The following ZFP1 variants were observed in gnomAD, a reference collection of about 807,000 sequenced individuals.
The protein encoded by ZFP1 is zinc finger protein 1 homolog.
Under a neutral mutation model 38.5 loss-of-function variants are expected in ZFP1, and 32 were observed. That is an observed-to-expected ratio of 0.83 (90% confidence interval 0.63 to 1.12). The LOEUF is 1.12. Ranked by LOEUF, ZFP1 falls within the 50% of genes most tolerant of loss-of-function variation. ZFP1 has a pLI of 0.00. For missense variants in ZFP1, 616 were observed against 480.8 expected (o/e 1.28, Z -2.63); for synonymous variants, 245 against 168.8 (o/e 1.45, Z -3.50).
intron 2 of ZFP1, among the ~76,000 whole-genome samples, chr16:75,160,201 G>A (rs1299353801): frequency 1.3e-5 from 2 of 152,136 alleles, no homozygotes; most frequent in Non-Finnish European, 2.9e-5. Context: ...TGCTGCCATG[G>A]CAGAATACTT....
the ZFP1 span, among the ~76,000 whole-genome samples, chr16:75,121,169 G>GTT: frequency 2.1e-5 from 3 of 140,124 alleles, no homozygotes; most frequent in Non-Finnish European, 4.7e-5. Flanking sequence ...TTTCTTTTTT[G>GTT]TTTTTTTTTT....
chr16:75,132,804 T>G, the ZFP1 span, among the ~76,000 whole-genome samples: 3 of 150,764 alleles, frequency 2.0e-5, no homozygotes, highest in South Asian at 6.3e-4. Context: ...TTACAGGCAT[T>G]CACCACCACA....
intron 2 of ZFP1, among the ~76,000 whole-genome samples, chr16:75,160,623 C>A (rs2037720091): frequency 6.9e-6 from 1 of 145,426 alleles, no homozygotes; most frequent in African/African-American, 2.6e-5. Context: ...CATGCCACTG[C>A]ACTCCAATCT....
At chr16:75,165,927 TTTAGA>T (rs1378062672) in intron 2 of ZFP1, among the ~76,000 whole-genome samples, 1 of 152,184 alleles carries the variant, frequency 6.6e-6, no homozygotes, top group African/African-American at 2.4e-5. Context: ...TGCATTTCAG[TTTAGA>T]TATTTACTGA....
the ZFP1 span, among the ~76,000 whole-genome samples, chr16:75,123,125 G>A: frequency 7.2e-5 from 11 of 151,900 alleles, no homozygotes; most frequent in Admixed American, 3.3e-4. Flanking sequence ...AGGACAAGGC[G>A]AGTGGATCAC....
chr16:75,159,488 G>C (rs2037656339), intron 2 of ZFP1, among the ~76,000 whole-genome samples: 1 of 145,212 alleles, frequency 6.9e-6, no homozygotes, highest in Non-Finnish European at 1.5e-5. Flanking sequence ...GTTCACTGTA[G>C]CTGTGACCTC....
chr16:75,141,555 G>GA, the ZFP1 span, among the ~76,000 whole-genome samples: 1,896 of 151,670 alleles, frequency 0.013, 42 homozygotes, highest in African/African-American at 0.043. Flanking sequence ...TGAGAGGTCA[G>GA]AAAAAAATGC....
At chr16:75,141,328 G>C in the ZFP1 span, among the ~76,000 whole-genome samples, 1 of 147,776 alleles carries the variant, frequency 6.8e-6, no homozygotes, top group East Asian at 2.1e-4. Flanking sequence ...TCAGCCTCCC[G>C]AGTAGCTGGG....
chr16:75,125,275 T>A, the ZFP1 span, among the ~76,000 whole-genome samples: 3 of 152,222 alleles, frequency 2.0e-5, no homozygotes, highest in South Asian at 2.1e-4. Context: ...AATTTTTTTT[T>A]AATTAAAATT....
chr16:75,147,801 G>A (rs1041510706), upstream of ZFP1, among the ~76,000 whole-genome samples: 5 of 152,136 alleles, frequency 3.3e-5, no homozygotes, highest in Non-Finnish European at 7.3e-5. Context: ...TGGTCAAGGG[G>A]TACAAAGTCT....
the ZFP1 span, among the ~76,000 whole-genome samples, chr16:75,128,648 T>C: frequency 2.6e-5 from 4 of 152,212 alleles, no homozygotes; most frequent in South Asian, 2.1e-4. Flanking sequence ...CTTCTTTTTT[T>C]CCCCATTTTG....
At position 75,169,419 on chromosome 16, in the gene ZFP1, T is replaced by G. The variant is rs1465644385; in HGVS notation, c.309T>G (p.Pro103=). The G allele has an allele frequency of 1.9e-6, 3 of 1,613,724 alleles. No homozygotes were observed. The highest frequency in any genetic ancestry group is 2.5e-6 in the Non-Finnish European group (3 of 1,179,910). Residue 103 remains proline (P), a synonymous_variant, in exon 4 of 4, where the codon CCT becomes CCG. Coordinates refer to ENST00000570010, the MANE Select transcript of ZFP1 (RefSeq NM_153688.4). ...NTDFVSLRQV[P]YKYDLYEKTL... ...ACTTTGTTTCTTTAAGACAAGTACC[T>G]TATAAATATGACTTATATGAAAAAA...
At chr16:75,127,080 G>T in the ZFP1 span, among the ~76,000 whole-genome samples, 1 of 152,222 alleles carries the variant, frequency 6.6e-6, no homozygotes, top group Non-Finnish European at 1.5e-5. Context: ...TGCTGCAGAA[G>T]TAACAAATTT....
At chr16:75,154,244 T>A (rs890515031) in intron 2 of ZFP1, among the ~76,000 whole-genome samples, 1 of 151,324 alleles carries the variant, frequency 6.6e-6, no homozygotes, top group African/African-American at 2.4e-5. Context: ...AAAGAGAAGG[T>A]TCCTCCAAGT....
chr16:75,158,441 C>G (rs2037577114), intron 2 of ZFP1, among the ~76,000 whole-genome samples: 1 of 151,854 alleles, frequency 6.6e-6, no homozygotes, highest in African/African-American at 2.4e-5. Flanking sequence ...ATTGCAGCCT[C>G]AAGCAGTTCT....
intron 2 of ZFP1, among the ~76,000 whole-genome samples, chr16:75,161,772 A>T (rs867717632): frequency 6.6e-3 from 48 of 7,240 alleles, no homozygotes; most frequent in Non-Finnish European, 9.0e-3. Context: ...ATATATATAT[A>T]TATTTTTTTT....
chr16:75,157,742 C>T (rs1042214880), intron 2 of ZFP1, among the ~76,000 whole-genome samples: 2 of 152,048 alleles, frequency 1.3e-5, no homozygotes, highest in African/African-American at 4.8e-5. Context: ...CTCTTTATCC[C>T]TGATAATACT....
intron 2 of ZFP1, among the ~76,000 whole-genome samples, chr16:75,159,681 C>T (rs1256145954): frequency 6.6e-6 from 1 of 152,090 alleles, no homozygotes; most frequent in African/African-American, 2.4e-5. Context: ...GCTGGGATTA[C>T]AGTCATGAGC....
rs554389261 is a variant in ZFP1, at chr16:75,158,647, T to A, written c.15+5681T>A. ...TTATTTGTGATTTTTTTTTTTTTTTTACAGGCATAGGTGAATTTCAGTGTG... is the reference window on the plus strand; with the variant it reads ...TTATTTGTGATTTTTTTTTTTTTTTAACAGGCATAGGTGAATTTCAGTGTG... On this transcript the variant is annotated intron_variant, in intron 2 of 3. Coordinates refer to ENST00000570010, the MANE Select transcript of ZFP1 (RefSeq NM_153688.4). Among the ~76,000 whole-genome samples, 252 of 134,022 alleles carry A rather than the reference T, an allele frequency of 1.9e-3. 1 individual carries two copies. The highest frequency in any genetic ancestry group is 6.1e-3 in the African/African-American group (234 of 38,290). 87.9% of individuals were successfully genotyped at this position (134,022 alleles called of 152,430 possible).
Sources: gnomAD v4.1 joint callset for allele counts (sites outside exome capture counted in the v4.1 genomes callset) on GRCh38, gnomAD v4.1.1 for gene constraint, MANE v1.5 for transcripts, NCBI Gene and HGNC (gene_info 2026-07-23, HGNC 2026-07-21) for gene names.